ZZZ3: variants seen among roughly 807,000 people sequenced by gnomAD.
ZZZ3 encodes the protein ZZ-type zinc finger-containing protein 3.
In ZZZ3, 22 loss-of-function variants were observed where a neutral mutation model predicts 95.2. The observed-to-expected ratio is 0.23, with a 90% CI of 0.17 to 0.33. The LOEUF (loss-of-function observed/expected upper bound fraction) is 0.33, where lower values mean the gene tolerates loss of function less well. ZZZ3 is among the 10% of genes least tolerant of loss of function. The pLI is 1.00. For synonymous variants in ZZZ3, 335 were observed against 358.9 expected, an observed-to-expected ratio of 0.93 and a Z score of 0.75; for missense variants, 885 against 1,066.5, an observed-to-expected ratio of 0.83 and a Z score of 2.37.
intron 5 of ZZZ3, among the ~76,000 whole-genome samples, chr1:77,629,438 C>T (rs1246703552): frequency 6.6e-6 from 1 of 152,108 alleles, no homozygotes; most frequent in South Asian, 2.1e-4. Context: ...GACAACATGG[C>T]GAACCCCTGT....
chr1:77,581,804 C>T lies in ZZZ3; in HGVS notation c.1880G>A (p.Gly627Asp), dbSNP rs1662556084. ...LSYSMLPLSD[G>D]PEGSSSRPQM... Reference sequence around the variant, plus strand: ...AGGACGACTGCTTGAGCCTTCTGGACCATCACTCAAAGGCAACATAGAATA... The same window carrying T: ...AGGACGACTGCTTGAGCCTTCTGGATCATCACTCAAAGGCAACATAGAATA... The change falls in exon 8 of 15, where the codon GGT becomes GAT. Residue 627 changes from glycine to aspartate, a missense_variant. Transcript: ENST00000370801. 1 of 1,613,882 alleles carries T rather than the reference C, an allele frequency of 6.2e-7. No individual in the cohort carries two copies. The highest frequency in any genetic ancestry group is 1.3e-5 in the African/African-American group (1 of 75,014).
At chr1:77,648,133 T>C (rs1669462062) in intron 1 of ZZZ3, among the ~76,000 whole-genome samples, 1 of 151,810 alleles carries the variant, frequency 6.6e-6, no homozygotes, top group Non-Finnish European at 1.5e-5. Context: ...CCAAGGTGGG[T>C]GATTGCTTGA....
chr1:77,595,653 G>A (rs1390127325), intron 5 of ZZZ3, among the ~76,000 whole-genome samples: 1 of 151,912 alleles, frequency 6.6e-6, no homozygotes, highest in Non-Finnish European at 1.5e-5. Flanking sequence ...AATGCAATAC[G>A]GAGTAAATGT....
chr1:77,625,827 TA>T (rs1177204102), intron 5 of ZZZ3, among the ~76,000 whole-genome samples: 483 of 137,342 alleles, frequency 3.5e-3, no homozygotes, highest in Middle Eastern at 3.8e-3. Flanking sequence ...CTGTCTCTAC[TA>T]AAAAAAAAAA....
At chr1:77,633,528 T>C in intron 4 of ZZZ3, 123 bp from the exon 5 acceptor site, 2 of 532,036 alleles carry the variant, frequency 3.8e-6, no homozygotes, top group African/African-American at 1.9e-5. Flanking sequence ...ACTATCTATA[T>C]AACTGCCAAT....
At chr1:77,606,611 T>C (rs777622011) in intron 5 of ZZZ3, among the ~76,000 whole-genome samples, 11 of 152,288 alleles carry the variant, frequency 7.2e-5, no homozygotes, top group South Asian at 4.1e-4. Flanking sequence ...TGTCACCCCA[T>C]GCCCAGCCCC....
rs539178036 is a variant in ZZZ3, at chr1:77,600,893, A to T, written c.1506-16238T>A. On this transcript the variant is annotated intron_variant, in intron 5 of 14. Coordinates refer to ENST00000370801, the MANE Select transcript of ZZZ3 (RefSeq NM_015534.6). ...TTACACAGTGCTCTATAAAACCAAG[A>T]CTGGACTCAGACTAGACTGAGTTTT... is the stretch of plus-strand genomic sequence containing the variant. 1.1e-4 allele frequency among the ~76,000 whole-genome samples: 16 copies of T among 152,342 alleles called. No individual in the cohort carries two copies. The South Asian group carries it at 3.1e-3, about 30-fold the overall frequency.
chr1:77,590,287 C>G (rs1020936265), intron 5 of ZZZ3, among the ~76,000 whole-genome samples: 4 of 152,104 alleles, frequency 2.6e-5, no homozygotes, highest in Non-Finnish European at 4.4e-5. Context: ...GGCAGGAGAA[C>G]TGCTTGAACC....
chr1:77,621,863 C>T (rs1171299565), intron 5 of ZZZ3, among the ~76,000 whole-genome samples: 2 of 151,936 alleles, frequency 1.3e-5, no homozygotes, highest in South Asian at 4.2e-4. Flanking sequence ...GAATATACTT[C>T]CAGTTTTTAT....
rs761316043 is a variant in ZZZ3 at position 77,632,404 on chromosome 1, T to G, written c.951A>C (p.Glu317Asp). 1 of 1,614,136 alleles carries G rather than the reference T, an allele frequency of 6.2e-7. No homozygotes were observed. The highest frequency in any genetic ancestry group is 8.5e-7 in the Non-Finnish European group (1 of 1,180,002). Reference protein sequence around the residue: ...TQSSLRDSEEEVDVVGDSSAS... With the variant: ...TQSSLRDSEEDVDVVGDSSAS... Reference sequence around the variant, plus strand: ...CACTGCTATCTCCCACCACATCTACTTCCTCCTCAGAATCCCTTAAAGATG... The same window carrying G: ...CACTGCTATCTCCCACCACATCTACGTCCTCCTCAGAATCCCTTAAAGATG... Residue 317 changes from glutamate (E) to aspartate (D), a missense_variant, in exon 5 of 15, where the codon GAA becomes GAC. By Grantham distance (45) the Glu-to-Asp change is conservative. Transcript: ENST00000370801.
intron 6 of ZZZ3, 100 bp from the exon 7 acceptor site, chr1:77,582,226 T>A (rs1662597512): frequency 9.9e-7 from 1 of 1,011,420 alleles, no homozygotes. Context: ...CAAATCCAAA[T>A]AATCAATGGG....
At chr1:77,613,310 T>C (rs1665990303) in intron 5 of ZZZ3, among the ~76,000 whole-genome samples, 2 of 152,186 alleles carry the variant, frequency 1.3e-5, no homozygotes, top group Non-Finnish European at 2.9e-5. Context: ...GAAATTTGTT[T>C]TCATTTGCAT....
rs556432050 is a variant in ZZZ3, at chr1:77,563,215, A to G, written c.*2425T>C. On this transcript the variant is annotated 3_prime_UTR_variant, in exon 15 of 15. Transcript: ENST00000370801. ...AGGAAATAGATCTTATCTACTGAAT[A>G]CCACTGAATAAGCAATGCTTTAGCA... 6.6e-6 allele frequency: 1 copy of G among 152,356 alleles called. No homozygotes were observed. The highest frequency in any genetic ancestry group is 6.5e-5 in the Admixed American group (1 of 15,310). The allele number at this position is 152,356 out of a possible 1,614,324, so 9.4% of individuals were successfully genotyped here. A position where few individuals can be genotyped will look rare whatever the true frequency, so the allele number is the denominator to read the frequency against.
At chr1:77,619,670 C>T (rs1291713301) in intron 5 of ZZZ3, among the ~76,000 whole-genome samples, 4 of 152,130 alleles carry the variant, frequency 2.6e-5, no homozygotes, top group Admixed American at 1.3e-4. Flanking sequence ...ACTGAACTTA[C>T]ATTTCTTATA....
intron 5 of ZZZ3, among the ~76,000 whole-genome samples, chr1:77,619,805 G>A (rs935391114): frequency 1.3e-5 from 2 of 151,932 alleles, no homozygotes; most frequent in African/African-American, 4.8e-5. Context: ...TGATGATATC[G>A]CATATTTTTC....
chr1:77,648,564 C>T (rs1295728740), intron 1 of ZZZ3, among the ~76,000 whole-genome samples: 1 of 151,938 alleles, frequency 6.6e-6, no homozygotes, highest in Non-Finnish European at 1.5e-5. Flanking sequence ...ATTGATTCTT[C>T]TACTTAGAAA....
intron 5 of ZZZ3, among the ~76,000 whole-genome samples, chr1:77,587,995 G>A (rs187457574): frequency 1.3e-3 from 198 of 152,252 alleles, no homozygotes; most frequent in Non-Finnish European, 1.7e-3. Flanking sequence ...ACAGTATAAA[G>A]TACATGTAAC....
chr1:77,662,531 T>G (rs1287021776), intron 1 of ZZZ3, among the ~76,000 whole-genome samples: 2 of 152,162 alleles, frequency 1.3e-5, no homozygotes, highest in East Asian at 3.8e-4. Context: ...CTGTAGTGAC[T>G]AGAATTGGAA....
At chr1:77,666,724 T>C (rs1457674301) in intron 1 of ZZZ3, among the ~76,000 whole-genome samples, 1 of 152,194 alleles carries the variant, frequency 6.6e-6, no homozygotes, top group Non-Finnish European at 1.5e-5. Flanking sequence ...TTCATGGATA[T>C]TATATTCTTA....
Sources: gnomAD v4.1 joint callset for allele counts (sites outside exome capture counted in the v4.1 genomes callset) on GRCh38, gnomAD v4.1.1 for gene constraint, MANE v1.5 for transcripts, NCBI Gene and HGNC (gene_info 2026-07-23, HGNC 2026-07-21) for gene names.